PRDM16: variants seen among roughly 807,000 people sequenced by gnomAD.
PRDM16 encodes the protein PR/SET domain 16.
Under a neutral mutation model 110.6 loss-of-function variants are expected in PRDM16, and 23 were observed. The ratio of observed to expected loss-of-function variants is 0.21; its 90% CI spans 0.15 to 0.29. The LOEUF (loss-of-function observed/expected upper bound fraction) is 0.29. PRDM16 is among the 10% of genes least tolerant of loss of function. The pLI is 1.00. For synonymous variants in PRDM16, 799 were observed against 781.8 expected (o/e 1.02, Z -0.37); for missense variants, 1,615 against 1,794.3 (o/e 0.90, Z 1.81).
intron 1 of PRDM16, among the ~76,000 whole-genome samples, chr1:3,152,306 A>T (rs915769264): frequency 1.4e-5 from 2 of 144,820 alleles, no homozygotes; most frequent in African/African-American, 5.2e-5. Flanking sequence ...CCCTCCTTTC[A>T]TCCATCCATC....
At chr1:3,184,013 C>A (rs1336715709) in intron 1 of PRDM16, among the ~76,000 whole-genome samples, 1 of 152,192 alleles carries the variant, frequency 6.6e-6, no homozygotes, top group Admixed American at 6.5e-5. Context: ...CCCAATGTAC[C>A]TTTCTGCTGC....
chr1:3,350,636 C>A lies in PRDM16; in HGVS notation c.439-34516C>A, dbSNP rs1019248820. 6.6e-6 allele frequency among the ~76,000 whole-genome samples: 1 copy of A among 152,114 alleles called. No individual in the cohort carries two copies. Among genetic ancestry groups the A allele is most frequent in the African/African-American group, 2.4e-5 (1 of 41,436 alleles). On this transcript the variant is annotated intron_variant, in intron 3 of 16. Transcript: ENST00000270722. The surrounding 1 kb of genome is among the most constrained non-coding windows in gnomAD (Gnocchi z 7.1). ...CAGCCCTGCCCGGCCAGGGCTCGGG[C>A]ACAGCTTGGCTCCATGCAGGGCCCT...
intron 2 of PRDM16, among the ~76,000 whole-genome samples, chr1:3,187,449 T>C (rs1332568680): frequency 1.3e-5 from 2 of 152,120 alleles, no homozygotes; most frequent in Non-Finnish European, 2.9e-5. Context: ...CAGGGTCCTG[T>C]GTCTTGCCCA....
Position 3,425,488 on chromosome 1 carries a change from CA to C in PRDM16, c.2940-92del. 1 of 1,372,734 alleles carries C rather than the reference CA, an allele frequency of 7.3e-7. No homozygotes were observed. Among genetic ancestry groups the C allele is most frequent in the South Asian group, 1.3e-5 (1 of 75,664 alleles). 85.0% of individuals were successfully genotyped at this position (1,372,734 alleles called of 1,614,324 possible). A position where few individuals can be genotyped will look rare whatever the true frequency, so the allele number is the denominator to read the frequency against. On this transcript the variant is annotated intron_variant, in intron 12 of 16. Transcript: ENST00000270722. This position sits in a 1 kb window ranked among gnomAD's most constrained non-coding sequence, Gnocchi z 6.9. ...GCAAAGCTGTGCACGGGGCACGGGGCAGGGGCGCGGGCTCCCTTCCCCCCAC... is the reference window on the plus strand; with the variant it reads ...GCAAAGCTGTGCACGGGGCACGGGGCGGGGCGCGGGCTCCCTTCCCCCCAC...
At chr1:3,293,981 G>A (rs541666663) in intron 3 of PRDM16, among the ~76,000 whole-genome samples, 14 of 152,244 alleles carry the variant, frequency 9.2e-5, no homozygotes, top group Middle Eastern at 3.4e-3. Flanking sequence ...GACAGGATTC[G>A]GGTTTCTGGC....
chr1:3,170,173 C>A (rs1644009453), intron 1 of PRDM16, among the ~76,000 whole-genome samples: 2 of 152,246 alleles, frequency 1.3e-5, no homozygotes. Context: ...AAACTATGAA[C>A]GTCTTCATCA....
chr1:3,331,919 C>G (rs1481672475), intron 3 of PRDM16, among the ~76,000 whole-genome samples: 1 of 152,248 alleles, frequency 6.6e-6, no homozygotes, highest in Non-Finnish European at 1.5e-5. Flanking sequence ...CTCCACCTCT[C>G]AGGATGAGGG....
intron 3 of PRDM16, among the ~76,000 whole-genome samples, chr1:3,381,400 GTTTTTTTTT>G (rs58504087): frequency 7.4e-6 from 1 of 135,118 alleles, no homozygotes; most frequent in Non-Finnish European, 1.6e-5. Context: ...TTTTTTTCTG[GTTTTTTTTT>G]TTTTTTTTTG....
intron 1 of PRDM16, among the ~76,000 whole-genome samples, chr1:3,076,678 C>T (rs1641908486): frequency 6.6e-6 from 1 of 152,192 alleles, no homozygotes; most frequent in South Asian, 2.1e-4. Context: ...GGCCAGGGGC[C>T]AGGGCTGCCT....
chr1:3,147,650 G>A lies in PRDM16; in HGVS notation c.38-38475G>A, dbSNP rs112967281. ...AGGCCAAGGCACATCTTGGTTCTGC[G>A]TCGCACACAGCACCGGTCCCAAGCA... On this transcript the variant is annotated intron_variant, in intron 1 of 16. Transcript: ENST00000270722. 8.2e-3 allele frequency among the ~76,000 whole-genome samples: 1,248 copies of A among 152,244 alleles called. 22 individuals are homozygous for A. The highest frequency in any genetic ancestry group is 0.026 in the African/African-American group (1,071 of 41,516).
At chr1:3,102,956 C>A (rs12740402) in intron 1 of PRDM16, among the ~76,000 whole-genome samples, 11,728 of 152,286 alleles carry the variant, frequency 0.077, 520 homozygotes, top group Middle Eastern at 0.14. Flanking sequence ...GTATCATTTC[C>A]TTCAAATCTT....
At position 3,425,169 on chromosome 1, in the gene PRDM16, C is replaced by T. The variant is rs1638561989; in HGVS notation, c.2940-412C>T. On this transcript the variant is annotated intron_variant, in intron 12 of 16. Transcript: ENST00000270722. This position sits in a 1 kb window ranked among gnomAD's most constrained non-coding sequence, Gnocchi z 6.9. ...CTTGGCTCACTGCAAGCTCCGCCTC[C>T]CGGGTTCACGCCATTCTCCTGCCTC... is the stretch of plus-strand genomic sequence containing the variant. The T allele has an allele frequency of 6.4e-6, 1 of 157,002 alleles. No homozygotes were observed. The highest frequency in any genetic ancestry group is 2.4e-5 in the African/African-American group (1 of 41,412). 9.7% of individuals were successfully genotyped at this position (157,002 alleles called of 1,614,324 possible). A position where few individuals can be genotyped will look rare whatever the true frequency, so the allele number is the denominator to read the frequency against.
chr1:3,207,221 A>C (rs2100838109), intron 2 of PRDM16: 2 of 152,308 alleles, frequency 1.3e-5, no homozygotes, highest in South Asian at 4.1e-4. Context: ...CTTGGAAATA[A>C]ATTCGCAGCT....
Position 3,082,899 on chromosome 1 carries a change from C to T in PRDM16, c.37+13603C>T, listed in dbSNP as rs527262480. On this transcript the variant is annotated intron_variant, in intron 1 of 16. Coordinates refer to ENST00000270722, the MANE Select transcript of PRDM16 (RefSeq NM_022114.4). ...CCCCTGGGTCTGTGGCCGCTGCCTT[C>T]GCTTTCCCCTCATCTAGGACAGGAT... Among the ~76,000 whole-genome samples the T allele has an allele frequency of 1.1e-4, 16 of 152,284 alleles. 1 individual carries two copies. Among genetic ancestry groups the T allele is most frequent in the African/African-American group, 2.2e-4 (9 of 41,566 alleles).
intron 1 of PRDM16, among the ~76,000 whole-genome samples, chr1:3,180,975 TACAC>T (rs879465518): frequency 1.3e-4 from 18 of 139,866 alleles, no homozygotes; most frequent in African/African-American, 4.6e-4. Flanking sequence ...CACTCGGTCT[TACAC>T]ACGCAGTCTT....
chr1:3,321,793 TGTGC>T (rs773829626), intron 3 of PRDM16, among the ~76,000 whole-genome samples: 1 of 147,018 alleles, frequency 6.8e-6, no homozygotes, highest in Non-Finnish European at 1.5e-5. Context: ...GCTGTGCAAG[TGTGC>T]GTGCGTGTGT....
chr1:3,430,943 AGGAGGAGGACGACGATGACCT>A lies in PRDM16; in HGVS notation c.3369_3389del (p.Asp1124_Asp1130del), dbSNP rs753254261. ...GCCAGTGAGAAGCAGGAGGACGTGG[AGGAGGAGGACGACGATGACCT>A]GGAGGAGGACGATGAGGACAGCCTG... On this transcript the variant is annotated inframe_deletion, in exon 15 of 17. Coordinates refer to ENST00000270722, the MANE Select transcript of PRDM16 (RefSeq NM_022114.4). 3.2e-5 allele frequency: 52 copies of A among 1,613,730 alleles called. No individual in the cohort carries two copies. Among genetic ancestry groups the A allele is most frequent in the Admixed American group, 5.0e-5 (3 of 59,986 alleles).
In PRDM16 at chr1:3,234,790, C is replaced by T. The variant is rs1025290677; in HGVS notation, c.388-9297C>T. Among the ~76,000 whole-genome samples the T allele has an allele frequency of 8.5e-5, 13 of 152,340 alleles. 1 individual carries two copies. Among genetic ancestry groups the T allele is most frequent in the Admixed American group, 4.6e-4 (7 of 15,312 alleles). On this transcript the variant is annotated intron_variant, in intron 2 of 16. Transcript: ENST00000270722. ...TCATGATTTATTATTCGGTAAATGC[C>T]ACGTGGGGTCTCCCTTGTGTTCCTG...
intron 3 of PRDM16, among the ~76,000 whole-genome samples, chr1:3,298,386 C>T (rs1435929514): frequency 1.3e-5 from 2 of 152,248 alleles, no homozygotes; most frequent in South Asian, 2.1e-4. Flanking sequence ...AGGAGGGAAG[C>T]GCTGCAGGGC....
Sources: allele counts gnomAD v4.1 joint callset (sites outside exome capture counted in the v4.1 genomes callset), GRCh38; gene constraint gnomAD v4.1.1; non-coding constraint Gnocchi (gnomAD v3.1); transcripts MANE v1.5; gene names NCBI Gene and HGNC (gene_info 2026-07-23, HGNC 2026-07-21).